Variants in STAB1 observed in about 807,000 individuals in gnomAD.
The protein encoded by STAB1 is stabilin-1.
In STAB1, 250 loss-of-function variants were observed where a neutral mutation model predicts 332.4. The ratio of observed to expected loss-of-function variants is 0.75; its 90% CI spans 0.68 to 0.84. The LOEUF (loss-of-function observed/expected upper bound fraction) is 0.84. Among genes scored for constraint, STAB1 ranks in the 40% least tolerant of loss-of-function variants. The pLI is 0.00. For synonymous variants in STAB1, 1,475 were observed against 1,390.4 expected, an observed-to-expected ratio of 1.06 and a Z score of -1.35; for missense variants, 3,249 against 3,489.7, an observed-to-expected ratio of 0.93 and a Z score of 1.74.
chr3:52,521,257 G>A (rs547598472), intron 55 of STAB1, 104 bp from the exon 56 acceptor site: 63 of 1,503,616 alleles, frequency 4.2e-5, no homozygotes, highest in African/African-American at 2.9e-4. Context: ...AGCAGTGGGC[G>A]GACATAGGTC....
In STAB1 at chr3:52,504,141, C is replaced by T. The variant is rs1181761632; in HGVS notation, c.1136C>T (p.Ala379Val). 1.3e-6 allele frequency: 2 copies of T among 1,588,752 alleles called. No individual in the cohort carries two copies. Among genetic ancestry groups the T allele is most frequent in the Admixed American group, 1.7e-5 (1 of 57,342 alleles). Residue 379 changes from alanine (A) to valine (V), a missense_variant, in exon 10 of 69, where the codon GCC becomes GTC. By Grantham distance (64) the Ala-to-Val change is moderately conservative (BLOSUM62 0). Coordinates refer to ENST00000321725, the MANE Select transcript of STAB1 (RefSeq NM_015136.3). ...CGGGTGTTCCTGCAGCTGAGGGTCG[C>T]CGTGGCCATGATGGGTGCGTGACCC... Reference protein sequence around the residue: ...TGRVFLQLRVAVAMMDQGCRE... With the variant: ...TGRVFLQLRVVVAMMDQGCRE...
At chr3:52,502,506 G>A in intron 5 of STAB1, 126 bp from the exon 6 acceptor site, 1 of 901,848 alleles carries the variant, frequency 1.1e-6, no homozygotes, top group Non-Finnish European at 1.7e-6. Flanking sequence ...CCGCATCACA[G>A]CTCTGTACTC....
At chr3:52,499,206 C>T (rs1301464327) in intron 1 of STAB1, among the ~76,000 whole-genome samples, 1 of 152,246 alleles carries the variant, frequency 6.6e-6, no homozygotes, top group East Asian at 1.9e-4. Context: ...ACCTATGCCC[C>T]TTCCCTATGC....
intron 50 of STAB1, 68 bp downstream of exon 50, chr3:52,519,632 G>A (rs1340197358): frequency 6.3e-7 from 1 of 1,595,462 alleles, no homozygotes; most frequent in African/African-American, 1.3e-5. Flanking sequence ...AAGTGTGTAT[G>A]CGTACCTGTG....
intron 25 of STAB1, 116 bp downstream of exon 25, chr3:52,510,623 T>C (rs1308018618): frequency 7.4e-6 from 10 of 1,351,034 alleles, no homozygotes; most frequent in Non-Finnish European, 8.9e-6. Context: ...CAGGTGCAGA[T>C]GAGAACCCAG....
intron 46 of STAB1, 57 bp downstream of exon 46, chr3:52,518,416 T>C (rs1438513680): frequency 6.3e-7 from 1 of 1,591,770 alleles, no homozygotes; most frequent in East Asian, 2.3e-5. Context: ...TCTGGACTTC[T>C]GTCCCCATCT....
At position 52,514,108 on chromosome 3, in the gene STAB1, T is replaced by C. The variant is rs1709495768; in HGVS notation, c.3448-7T>C. On this transcript the variant is annotated splice_polypyrimidine_tract_variant and splice_region_variant and intron_variant, in intron 32 of 68. Coordinates refer to ENST00000321725, the MANE Select transcript of STAB1 (RefSeq NM_015136.3). ...ATGCCCATCCCTGACCTCCACCCCA[T>C]CCCTAGCACCATGGGTTGGTGCCCC... 2.5e-6 allele frequency: 4 copies of C among 1,613,074 alleles called. No individual in the cohort carries two copies. The highest frequency in any genetic ancestry group is 3.4e-6 in the Non-Finnish European group (4 of 1,179,818).
At chr3:52,513,556 T>C (rs1279027366) in intron 30 of STAB1, among the ~76,000 whole-genome samples, 161 bp from the exon 31 acceptor site, 4 of 151,376 alleles carry the variant, frequency 2.6e-5, no homozygotes, top group African/African-American at 9.7e-5. Flanking sequence ...AGGATCAGAG[T>C]CAGCTCCTGG....
In STAB1 at chr3:52,518,826, C is replaced by CTGGAG. The variant is rs781035238; in HGVS notation, c.4991_4992insTGGAG (p.Thr1665GlyfsTer28). The CTGGAG allele has an allele frequency of 6.2e-7, 1 of 1,609,374 alleles. No homozygotes were observed. The highest frequency in any genetic ancestry group is 8.5e-7 in the Non-Finnish European group (1 of 1,179,370). On this transcript the variant is annotated frameshift_variant, in exon 48 of 69. Transcript: ENST00000321725. LOFTEE classifies it high-confidence loss of function. Reference sequence around the variant, plus strand: ...GAGGACCTGCTGGAGCAGGGGTACGCCACGGCCCTCTCAGGGCACCCACTG... The same window carrying CTGGAG: ...GAGGACCTGCTGGAGCAGGGGTACGCTGGAGCACGGCCCTCTCAGGGCACCCACTG...
At chr3:52,521,324 C>T in intron 55 of STAB1, 37 bp from the exon 56 acceptor site, 3 of 1,612,434 alleles carry the variant, frequency 1.9e-6, no homozygotes, top group Non-Finnish European at 2.5e-6. Flanking sequence ...TGGTGAGAGC[C>T]CCTGGCCCCA....
chr3:52,512,631 C>G lies in STAB1; in HGVS notation c.3015C>G (p.Tyr1005Ter). Residue 1005 changes from tyrosine to a stop codon, truncating the protein, a stop_gained, in exon 28 of 69, where the codon TAC (tyrosine) becomes TAG (stop). Coordinates refer to ENST00000321725, the MANE Select transcript of STAB1 (RefSeq NM_015136.3). LOFTEE classifies it high-confidence loss of function. ...LEANAHFSIF[Y>*]QWLKSAGITL... ...CAAATGCCCACTTCTCCATCTTCTA[C>G]CAATGGCTTAAGGTAGGACAGGGCA... is the stretch of plus-strand genomic sequence containing the variant. 1 of 1,613,840 alleles carries G rather than the reference C, an allele frequency of 6.2e-7. No homozygotes were observed. The highest frequency in any genetic ancestry group is 8.5e-7 in the Non-Finnish European group (1 of 1,180,024).
At position 52,521,358 on chromosome 3, in the gene STAB1, C is replaced by T. The variant is rs201410052; in HGVS notation, c.5909-3C>T. The T allele has an allele frequency of 5.3e-5, 85 of 1,613,858 alleles. No individual in the cohort carries two copies. Among genetic ancestry groups the T allele is most frequent in the African/African-American group, 4.4e-4 (33 of 75,046 alleles). ...CACCTCACTTCTCCTACCCCATCCC[C>T]AGCTTGCCCTGGCGGCCCCAGCAGC... On this transcript the variant is annotated splice_polypyrimidine_tract_variant and splice_region_variant and intron_variant, in intron 55 of 68. Coordinates refer to ENST00000321725, the MANE Select transcript of STAB1 (RefSeq NM_015136.3).
At chr3:52,503,956 G>A (rs1708646541) in intron 9 of STAB1, 54 bp downstream of exon 9, 1 of 1,611,780 alleles carries the variant, frequency 6.2e-7, no homozygotes, top group South Asian at 1.1e-5. Flanking sequence ...CGTGCCCTCT[G>A]CGGGAAGGCG....
intron 3 of STAB1, 76 bp downstream of exon 3, chr3:52,501,829 C>T (rs530401643): frequency 2.8e-5 from 40 of 1,414,530 alleles, no homozygotes; most frequent in Middle Eastern, 2.2e-4. Flanking sequence ...GCAGGAGCCA[C>T]CTGCATTCCC....
Position 52,514,468 on chromosome 3 carries a change from G to GGATC in STAB1, c.3652_3655dup (p.Val1219AspfsTer11). 1 of 1,535,524 alleles carries GGATC rather than the reference G, an allele frequency of 6.5e-7. No individual in the cohort carries two copies. The highest frequency in any genetic ancestry group is 8.8e-7 in the Non-Finnish European group (1 of 1,142,330). On this transcript the variant is annotated frameshift_variant, in exon 34 of 69. Transcript: ENST00000321725. LOFTEE classifies it high-confidence loss of function. ...AACTCCCTCCTGGGCCCTGCCCACTGGATCGTCTTCTACAACCACAGTGGC... is the reference window on the plus strand; with the variant it reads ...AACTCCCTCCTGGGCCCTGCCCACTGGATCGATCGTCTTCTACAACCACAGTGGC...
chr3:52,503,759 T>C lies in STAB1; in HGVS notation c.892-13T>C. ...TGGACGTGGTGTTCCCCTCCTGCCC[T>C]GTCGGGGGCCAGGCCTTCTGCACCT... On this transcript the variant is annotated splice_polypyrimidine_tract_variant and intron_variant, in intron 8 of 68. Coordinates refer to ENST00000321725, the MANE Select transcript of STAB1 (RefSeq NM_015136.3). 1 of 1,612,862 alleles carries C rather than the reference T, an allele frequency of 6.2e-7. No homozygotes were observed. The highest frequency in any genetic ancestry group is 8.5e-7 in the Non-Finnish European group (1 of 1,179,956).
At chr3:52,511,347 C>T (rs753078786) in intron 25 of STAB1, among the ~76,000 whole-genome samples, 8 of 152,178 alleles carry the variant, frequency 5.3e-5, no homozygotes, top group Non-Finnish European at 1.2e-4. Context: ...ACACTTGCCA[C>T]AAGCTGTTGG....
chr3:52,514,179 G>A lies in STAB1; in HGVS notation c.3512G>A (p.Arg1171His), dbSNP rs1434120938. The A allele has an allele frequency of 1.7e-5, 27 of 1,613,194 alleles. No individual in the cohort carries two copies. In the East Asian group the frequency reaches 1.8e-4, roughly 11 times the overall value. ...TAYTIFVPTN[R>H]SLEAQGNSSH... ...TACACCATCTTTGTGCCCACCAACC[G>A]CTCCCTGGAGGCCCAGGGCAACAGC... The change falls in exon 33 of 69, where the codon CGC becomes CAC. Residue 1171 changes from arginine (R) to histidine (H), a missense_variant. Arg to His is a conservative substitution (Grantham distance 29). Transcript: ENST00000321725.
Position 52,497,146 on chromosome 3 carries a change from G to T in STAB1, c.78+1655G>T, listed in dbSNP as rs150203123. Among the ~76,000 whole-genome samples, 2 of 151,634 alleles carry T rather than the reference G, an allele frequency of 1.3e-5. 1 individual carries two copies. The highest frequency in any genetic ancestry group is 4.9e-5 in the African/African-American group (2 of 41,230). ...CCTCCCGAGAACTGGGATTACAGGCGCCCGCCACCACACCCAGCTAATTTT... is the reference window on the plus strand; with the variant it reads ...CCTCCCGAGAACTGGGATTACAGGCTCCCGCCACCACACCCAGCTAATTTT... On this transcript the variant is annotated intron_variant, in intron 1 of 68. Coordinates refer to ENST00000321725, the MANE Select transcript of STAB1 (RefSeq NM_015136.3).
Sources: allele counts gnomAD v4.1 joint callset (sites outside exome capture counted in the v4.1 genomes callset), GRCh38; gene constraint gnomAD v4.1.1; transcripts MANE v1.5; gene names NCBI Gene and HGNC (gene_info 2026-07-23, HGNC 2026-07-21).